Variants in PDK1 observed in about 807,000 individuals in gnomAD.
The protein encoded by PDK1 is [Pyruvate dehydrogenase (acetyl-transferring)] kinase isozyme 1, mitochondrial.
Under a neutral mutation model 54.2 loss-of-function variants are expected in PDK1, and 39 were observed. The ratio of observed to expected loss-of-function variants is 0.72; its 90% CI spans 0.56 to 0.94. The LOEUF (loss-of-function observed/expected upper bound fraction) is 0.94, where lower values mean the gene tolerates loss of function less well. PDK1 is among the 40% of genes least tolerant of loss of function. The pLI, the probability that PDK1 is intolerant of heterozygous loss-of-function variation, is 0.00. For missense variants in PDK1, 552 were observed against 566.0 expected (o/e 0.98, Z 0.25); for synonymous variants, 221 against 207.1 (o/e 1.07, Z -0.58).
At chr2:172,704,010 G>A in the PDK1 span, among the ~76,000 whole-genome samples, 2 of 151,954 alleles carry the variant, frequency 1.3e-5, no homozygotes, top group African/African-American at 4.8e-5. Context: ...CTGACCTCAA[G>A]TGATCCACCC....
At chr2:172,668,342 T>C in the PDK1 span, among the ~76,000 whole-genome samples, 1 of 151,730 alleles carries the variant, frequency 6.6e-6, no homozygotes, top group Non-Finnish European at 1.5e-5. Context: ...CAAGGTCATA[T>C]CTTTATTCGT....
chr2:172,673,897 C>T, the PDK1 span, among the ~76,000 whole-genome samples: 2 of 152,168 alleles, frequency 1.3e-5, no homozygotes, highest in African/African-American at 4.8e-5. Context: ...GTGGAAAATC[C>T]ATTTCAGTAT....
At chr2:172,579,200 TA>T (rs1412937593) in intron 8 of PDK1, among the ~76,000 whole-genome samples, 1 of 152,174 alleles carries the variant, frequency 6.6e-6, no homozygotes, top group African/African-American at 2.4e-5. Context: ...GCCCTCAAAT[TA>T]ATCAGTTACT....
At chr2:172,613,923 C>T in the PDK1 span, among the ~76,000 whole-genome samples, 3 of 152,026 alleles carry the variant, frequency 2.0e-5, no homozygotes, top group Non-Finnish European at 2.9e-5. Flanking sequence ...TGGATCCAAG[C>T]TTCCCTGTGT....
the PDK1 span, among the ~76,000 whole-genome samples, chr2:172,693,582 G>T: frequency 9.9e-5 from 15 of 152,170 alleles, no homozygotes; most frequent in Non-Finnish European, 1.5e-4. Context: ...TATGGCATTA[G>T]AGTAGCTCCA....
the PDK1 span, among the ~76,000 whole-genome samples, chr2:172,712,964 C>G: frequency 1.3e-5 from 2 of 152,214 alleles, no homozygotes; most frequent in Non-Finnish European, 2.9e-5. Context: ...TGAGTAGCTC[C>G]TTTCTGCAGG....
At chr2:172,699,950 G>T in the PDK1 span, among the ~76,000 whole-genome samples, 1 of 152,026 alleles carries the variant, frequency 6.6e-6, no homozygotes, top group East Asian at 1.9e-4. Context: ...TTAGAGAGTG[G>T]TGATGACTCT....
chr2:172,612,668 G>A (rs1347987031), downstream of PDK1, among the ~76,000 whole-genome samples: 1 of 151,980 alleles, frequency 6.6e-6, no homozygotes, highest in Non-Finnish European at 1.5e-5. Flanking sequence ...AATGCTACCA[G>A]TAGTGTTTTT....
the PDK1 span, among the ~76,000 whole-genome samples, chr2:172,623,356 A>G: frequency 6.6e-6 from 1 of 152,156 alleles, no homozygotes; most frequent in Admixed American, 6.5e-5. Context: ...CTGAGCAGCT[A>G]TGATTCCACT....
the PDK1 span, among the ~76,000 whole-genome samples, chr2:172,718,308 C>T: frequency 6.6e-6 from 1 of 152,260 alleles, no homozygotes; most frequent in Middle Eastern, 3.4e-3. Flanking sequence ...TGCCCTTTAG[C>T]ATCCTAAACT....
chr2:172,712,105 CTA>C, the PDK1 span, among the ~76,000 whole-genome samples: 1 of 152,008 alleles, frequency 6.6e-6, no homozygotes, highest in Non-Finnish European at 1.5e-5. Flanking sequence ...AGGTTAGAAA[CTA>C]TTGTCTTAAA....
chr2:172,598,390 A>C lies in PDK1; in HGVS notation c.*2421A>C, dbSNP rs1378232306. ...CTCTGTTATTGTGGTAATGGACAGA[A>C]TATTACATACAAAAATATTCTGGGA... On this transcript the variant is annotated 3_prime_UTR_variant, in exon 11 of 11. Transcript: ENST00000282077. 3.9e-5 allele frequency: 6 copies of C among 152,256 alleles called. No individual in the cohort carries two copies. The highest frequency in any genetic ancestry group is 8.8e-5 in the Non-Finnish European group (6 of 68,046). 9.4% of individuals were successfully genotyped at this position (152,256 alleles called of 1,614,324 possible).
the PDK1 span, among the ~76,000 whole-genome samples, chr2:172,642,297 G>A: frequency 6.6e-6 from 1 of 152,192 alleles, no homozygotes; most frequent in Non-Finnish European, 1.5e-5. Context: ...ACACTGTTGA[G>A]TTTAATCTCT....
At chr2:172,659,025 T>C in the PDK1 span, among the ~76,000 whole-genome samples, 2 of 152,196 alleles carry the variant, frequency 1.3e-5, no homozygotes, top group Non-Finnish European at 2.9e-5. Context: ...TGCCCTATGA[T>C]GCATGTGATC....
chr2:172,686,494 T>C, the PDK1 span, among the ~76,000 whole-genome samples: 1 of 151,960 alleles, frequency 6.6e-6, no homozygotes, highest in Non-Finnish European at 1.5e-5. Flanking sequence ...GACCAATCAG[T>C]GCTCTGTAAA....
At chr2:172,595,720 AAT>A in intron 10 of PDK1, 107 bp from the exon 11 acceptor site, 1 of 789,358 alleles carries the variant, frequency 1.3e-6, no homozygotes, top group Admixed American at 2.5e-5. Flanking sequence ...ATAAGATACT[AAT>A]AGAATATTAT....
At chr2:172,624,891 G>A in the PDK1 span, among the ~76,000 whole-genome samples, 2 of 152,026 alleles carry the variant, frequency 1.3e-5, no homozygotes, top group South Asian at 2.1e-4. Flanking sequence ...GGGAGGGTGA[G>A]GCAGGAGAAT....
rs34139806 is a variant in PDK1, at chr2:172,596,776, A to G, written c.*807A>G. 26,771 of 152,200 alleles carry G rather than the reference A, an allele frequency of 0.18. 2,826 individuals carry two copies. Among genetic ancestry groups the G allele is most frequent in the African/African-American group, 0.28 (11,628 of 41,490 alleles). 9.4% of individuals were successfully genotyped at this position (152,200 alleles called of 1,614,324 possible). A position where few individuals can be genotyped will look rare whatever the true frequency, so the allele number is the denominator to read the frequency against. ...CTAGAAAGCTTTTGGAAAAAAATAGAGCTTTTCTGCATCCTACTCCAGATA... is the reference window on the plus strand; with the variant it reads ...CTAGAAAGCTTTTGGAAAAAAATAGGGCTTTTCTGCATCCTACTCCAGATA... On this transcript the variant is annotated 3_prime_UTR_variant, in exon 11 of 11. Coordinates refer to ENST00000282077, the MANE Select transcript of PDK1 (RefSeq NM_002610.5).
intron 8 of PDK1, among the ~76,000 whole-genome samples, chr2:172,581,236 G>A (rs748317627): frequency 5.3e-5 from 8 of 151,980 alleles, no homozygotes; most frequent in Admixed American, 1.3e-4. Flanking sequence ...GACTACAGGC[G>A]CCTGCTACCA....
Sources: allele counts gnomAD v4.1 joint callset (sites outside exome capture counted in the v4.1 genomes callset), GRCh38; gene constraint gnomAD v4.1.1; transcripts MANE v1.5; gene names NCBI Gene and HGNC (gene_info 2026-07-23, HGNC 2026-07-21).